GNB4: variants seen among roughly 807,000 people sequenced by gnomAD.
The protein encoded by GNB4 is G protein subunit beta 4.
GNB4 carries 28 observed loss-of-function variants against 45.2 expected under a neutral mutation model. The ratio of observed to expected loss-of-function variants is 0.62; its 90% CI spans 0.46 to 0.85. The LOEUF (loss-of-function observed/expected upper bound fraction) is 0.85, where lower values mean the gene tolerates loss of function less well. Among genes scored for constraint, GNB4 ranks in the 40% least tolerant of loss-of-function variants. The pLI is 0.00. For synonymous variants in GNB4, 132 were observed against 143.7 expected (o/e 0.92, Z 0.58); for missense variants, 321 against 425.4 (o/e 0.75, Z 2.16).
At chr3:179,418,164 T>A (rs1714857425) in intron 4 of GNB4, among the ~76,000 whole-genome samples, 1 of 152,022 alleles carries the variant, frequency 6.6e-6, no homozygotes. Context: ...TCAACTCCTT[T>A]AAGAAAAAGA....
chr3:179,439,917 T>G (rs2108616775), intron 1 of GNB4, among the ~76,000 whole-genome samples: 1 of 152,370 alleles, frequency 6.6e-6, no homozygotes, highest in Admixed American at 6.5e-5. Context: ...AGATATTTTC[T>G]TTGATTTACA....
chr3:179,421,255 T>C (rs1210298746), intron 2 of GNB4, among the ~76,000 whole-genome samples: 1 of 152,160 alleles, frequency 6.6e-6, no homozygotes, highest in Non-Finnish European at 1.5e-5. Flanking sequence ...ACTTTCTTTC[T>C]CTATGGATTT....
At chr3:179,453,804 G>A (rs1449136600), upstream of GNB4, among the ~76,000 whole-genome samples, 1 of 149,224 alleles carries the variant, frequency 6.7e-6, no homozygotes, top group Non-Finnish European at 1.5e-5. Context: ...CTACTTCCAA[G>A]AATATTGTAT....
upstream of GNB4, among the ~76,000 whole-genome samples, chr3:179,455,542 T>C (rs1330542171): frequency 2.0e-5 from 3 of 152,208 alleles, no homozygotes; most frequent in African/African-American, 4.8e-5. Context: ...ATGACTTCAC[T>C]AATCAATCGT....
intron 1 of GNB4, among the ~76,000 whole-genome samples, chr3:179,446,666 C>T (rs1715739933): frequency 6.6e-6 from 1 of 152,144 alleles, no homozygotes; most frequent in Non-Finnish European, 1.5e-5. Context: ...TACTCACTTG[C>T]CGCTTATTAT....
chr3:179,409,899 C>A (rs1043151096), intron 8 of GNB4, among the ~76,000 whole-genome samples: 6 of 152,090 alleles, frequency 3.9e-5, no homozygotes, highest in African/African-American at 1.4e-4. Flanking sequence ...GTTTCCCCAC[C>A]CAAATCTCAT....
chr3:179,509,702 C>T, the GNB4 span, among the ~76,000 whole-genome samples: 3 of 147,210 alleles, frequency 2.0e-5, no homozygotes, highest in South Asian at 6.5e-4. Context: ...CAGCCTCTTT[C>T]TTTAGATATA....
intron 2 of GNB4, among the ~76,000 whole-genome samples, chr3:179,421,900 T>C (rs1267890940): frequency 6.6e-6 from 1 of 152,106 alleles, no homozygotes; most frequent in Non-Finnish European, 1.5e-5. Flanking sequence ...TAATGAAGAG[T>C]TTCCAGAAAT....
In GNB4 at chr3:179,424,960, G is replaced by C. The variant is rs369196096; in HGVS notation, c.57+1184C>G. 3.3e-5 allele frequency among the ~76,000 whole-genome samples: 5 copies of C among 152,274 alleles called. 2 individuals carry two copies. Among genetic ancestry groups the C allele is most frequent in the Admixed American group, 6.5e-5 (1 of 15,294 alleles). On this transcript the variant is annotated intron_variant, in intron 2 of 9. Transcript: ENST00000232564. ...TCTTCAGAAACAGCTATTGTGAGAG[G>C]TTCAAACTGGGAAAAGCAGCAGCTG... is the stretch of plus-strand genomic sequence containing the variant.
chr3:179,401,519 T>G (rs1714301832), intron 9 of GNB4, among the ~76,000 whole-genome samples, 200 bp from the exon 10 acceptor site: 1 of 152,254 alleles, frequency 6.6e-6, no homozygotes, highest in Non-Finnish European at 1.5e-5. Flanking sequence ...CTGGATGTAT[T>G]TATAAATTTG....
chr3:179,490,711 T>G, the GNB4 span, among the ~76,000 whole-genome samples: 1 of 152,318 alleles, frequency 6.6e-6, no homozygotes, highest in African/African-American at 2.4e-5. Flanking sequence ...CTTTCCTTTG[T>G]TTTTGTTCTA....
At chr3:179,401,686 T>C (rs1714308442) in intron 9 of GNB4, among the ~76,000 whole-genome samples, 1 of 152,212 alleles carries the variant, frequency 6.6e-6, no homozygotes, top group Non-Finnish European at 1.5e-5. Context: ...CTATGTATGC[T>C]ATTCTCAACA....
intron 2 of GNB4, among the ~76,000 whole-genome samples, chr3:179,423,355 T>C (rs192269429): frequency 7.9e-5 from 12 of 152,326 alleles, no homozygotes; most frequent in Non-Finnish European, 8.8e-5. Context: ...CAACATGCTG[T>C]ACAAGTAAAA....
intron 1 of GNB4, among the ~76,000 whole-genome samples, chr3:179,450,040 C>T (rs1715829229): frequency 6.6e-6 from 1 of 152,158 alleles, no homozygotes; most frequent in Non-Finnish European, 1.5e-5. Context: ...CCTAAAATAT[C>T]ACAAGCTGTA....
upstream of GNB4, among the ~76,000 whole-genome samples, chr3:179,456,107 CTTTT>C (rs10603569): frequency 1.4e-4 from 17 of 122,626 alleles, 1 homozygote; most frequent in African/African-American, 5.1e-4. Context: ...GGGACATAGA[CTTTT>C]TTTTTTTTTT....
At chr3:179,521,775 C>T in the GNB4 span, among the ~76,000 whole-genome samples, 10 of 152,154 alleles carry the variant, frequency 6.6e-5, no homozygotes, top group Admixed American at 5.2e-4. Context: ...TCCTTTAATA[C>T]CTGTTTTTCT....
At chr3:179,428,976 G>C (rs897644563) in intron 1 of GNB4, among the ~76,000 whole-genome samples, 2 of 152,196 alleles carry the variant, frequency 1.3e-5, no homozygotes, top group African/African-American at 4.8e-5. Context: ...ACCATGAATA[G>C]AAATGGGAAA....
intron 5 of GNB4, among the ~76,000 whole-genome samples, chr3:179,415,937 T>G (rs1052226160): frequency 7.2e-5 from 11 of 152,002 alleles, no homozygotes; most frequent in African/African-American, 2.7e-4. Flanking sequence ...AGTATAAAGG[T>G]ATTAGCTTAT....
chr3:179,465,330 G>A, the GNB4 span: 63 of 1,267,752 alleles, frequency 5.0e-5, no homozygotes, highest in South Asian at 2.9e-4. Context: ...ATGGCCGGGC[G>A]CGGTGGCTCA....
Sources: gnomAD v4.1 joint callset for allele counts (sites outside exome capture counted in the v4.1 genomes callset) on GRCh38, gnomAD v4.1.1 for gene constraint, MANE v1.5 for transcripts, NCBI Gene and HGNC (gene_info 2026-07-23, HGNC 2026-07-21) for gene names.